Variants in IKBIP observed in about 807,000 individuals in gnomAD.
IKBIP encodes IKBKB interacting protein.
A neutral mutation model predicts 31.0 loss-of-function variants in IKBIP; 28 were observed. The ratio of observed to expected loss-of-function variants is 0.90; its 90% confidence interval spans 0.67 to 1.24. The LOEUF (loss-of-function observed/expected upper bound fraction) is 1.24, where lower values mean the gene tolerates loss of function less well. Among genes scored for constraint, IKBIP ranks in the 50% most tolerant of loss-of-function variants. IKBIP has a pLI of 0.00. For synonymous variants in IKBIP, 164 were observed against 160.3 expected, an observed-to-expected ratio of 1.02 and a Z score of -0.17; for missense variants, 453 against 441.9, an observed-to-expected ratio of 1.03 and a Z score of -0.23.
At position 98,644,539 on chromosome 12, in the gene IKBIP, A is replaced by C. The variant is rs1404330090; in HGVS notation, c.163T>G (p.Cys55Gly). ...TCCACTTACCAGGCCAGGCCCAGGC[A>C]CGTCCCCAGCGACAGCAGGCTCAGG... ...TCLSLLSLGTCLGLAWFVFQQ... is the reference protein window; with the variant it reads ...TCLSLLSLGTGLGLAWFVFQQ... Residue 55 changes from cysteine (C) to glycine (G), a missense_variant, in exon 1 of 3, where the codon TGC (cysteine) becomes GGC (glycine). Transcript: ENST00000299157. 8.1e-6 allele frequency: 13 copies of C among 1,603,470 alleles called. No homozygotes were observed. The highest frequency in any genetic ancestry group is 1.7e-5 in the Admixed American group (1 of 58,812).
intron 1 of IKBIP, among the ~76,000 whole-genome samples, chr12:98,638,083 A>G (rs957797227): frequency 6.6e-6 from 1 of 151,690 alleles, no homozygotes; most frequent in Admixed American, 6.6e-5. Flanking sequence ...GAAAAGAACT[A>G]TAAGTAATTC....
downstream of IKBIP, among the ~76,000 whole-genome samples, chr12:98,623,040 C>T (rs1470309862): frequency 1.3e-5 from 2 of 150,578 alleles, no homozygotes; most frequent in Admixed American, 6.6e-5. Context: ...AGTGCAATGG[C>T]GTGATTTTGG....
intron 1 of IKBIP, among the ~76,000 whole-genome samples, chr12:98,643,556 G>C (rs951387316): frequency 4.0e-5 from 6 of 151,780 alleles, no homozygotes; most frequent in African/African-American, 1.5e-4. Flanking sequence ...TTTTTTACGA[G>C]TTGGTTTTAA....
rs148216565 is a variant in IKBIP at position 98,626,007 on chromosome 12, C to G, written c.1057G>C (p.Ala353Pro). 1.9e-6 allele frequency: 3 copies of G among 1,545,000 alleles called. No homozygotes were observed. In the African/African-American group the frequency reaches 4.1e-5, roughly 21 times the overall value. The change falls in exon 3 of 3, where the codon GCA becomes CCA. Residue 353 changes from alanine (A) to proline (P), a missense_variant. By Grantham distance (27) the Ala-to-Pro change is conservative. Coordinates refer to ENST00000299157, the MANE Select transcript of IKBIP (RefSeq NM_153687.4). ...CCCTTTTCTCCTGTACTTGAGTATG[C>G]TATAAAATCATGAACTTTTTCTTTT... ...ILKEKVHDFIAYSSTGEKGTL... is the reference protein window; with the variant it reads ...ILKEKVHDFIPYSSTGEKGTL...
chr12:98,637,336 T>C (rs1033540935), intron 1 of IKBIP, among the ~76,000 whole-genome samples: 3 of 152,236 alleles, frequency 2.0e-5, no homozygotes, highest in Admixed American at 1.3e-4. Context: ...TTTTCCCTTA[T>C]TTGTGCCAGA....
At chr12:98,631,328 T>G (rs1037995308) in intron 2 of IKBIP, among the ~76,000 whole-genome samples, 2 of 151,834 alleles carry the variant, frequency 1.3e-5, no homozygotes, top group Admixed American at 1.3e-4. Context: ...TTGCCCAGGC[T>G]GGAGTGCAGT....
chr12:98,616,131 C>A (rs1415416927), intron 2 of IKBIP, among the ~76,000 whole-genome samples: 1 of 151,658 alleles, frequency 6.6e-6, no homozygotes, highest in East Asian at 1.9e-4. Context: ...GTTCCCTTTT[C>A]TCCACATTCT....
chr12:98,617,631 C>T (rs1019694887), intron 2 of IKBIP, among the ~76,000 whole-genome samples: 2 of 151,954 alleles, frequency 1.3e-5, no homozygotes, highest in Non-Finnish European at 2.9e-5. Flanking sequence ...TGGATAAAGT[C>T]GTACAATTAA....
chr12:98,633,510 CTTTTTTTTTTT>C lies in IKBIP; in HGVS notation c.297+775_297+785del, dbSNP rs71432181. Reference sequence around the variant, plus strand: ...GCTAGCCGTTCTTTTTTTTTTAATTCTTTTTTTTTTTTTTTTTTTTTTTTGAGACGGATCCT... The same window carrying C: ...GCTAGCCGTTCTTTTTTTTTTAATTCTTTTTTTTTTTTTGAGACGGATCCT... On this transcript the variant is annotated intron_variant, in intron 2 of 2. Transcript: ENST00000299157. Among the ~76,000 whole-genome samples the C allele has an allele frequency of 6.5e-5, 4 of 61,372 alleles. 1 individual carries two copies. Among genetic ancestry groups the C allele is most frequent in the Admixed American group, 2.6e-4 (1 of 3,866 alleles). The allele number at this position is 61,372 out of a possible 152,430, so 40.3% of individuals were successfully genotyped here.
chr12:98,624,798 A>AT lies in IKBIP; in HGVS notation c.*1131dup. ...TTCCCTCAAAACAGGCCACAGGCTT[A>AT]TTTTTATTTATTTATTTATTTATTG... On this transcript the variant is annotated 3_prime_UTR_variant, in exon 3 of 3. Transcript: ENST00000299157. 1.2e-6 allele frequency: 1 copy of AT among 842,692 alleles called. No homozygotes were observed. The highest frequency in any genetic ancestry group is 1.4e-6 in the Non-Finnish European group (1 of 700,140). The allele number at this position is 842,692 out of a possible 1,614,324, so 52.2% of individuals were successfully genotyped here. A position where few individuals can be genotyped will look rare whatever the true frequency, so the allele number is the denominator to read the frequency against.
chr12:98,626,328 G>A lies in IKBIP; in HGVS notation c.736C>T (p.His246Tyr). 1.2e-6 allele frequency: 2 copies of A among 1,614,146 alleles called. No homozygotes were observed. The highest frequency in any genetic ancestry group is 1.7e-6 in the Non-Finnish European group (2 of 1,180,004). ...TCTTCATCTCTGGCAAAGAGGGCAT[G>A]CTGTTCCTCTTCTAACTTTTCAATT... ...KAIEKLEEEQ[H>Y]ALFARDEDLT... The change falls in exon 3 of 3, where the codon CAT (histidine) becomes TAT (tyrosine). Residue 246 changes from histidine to tyrosine, a missense_variant. Transcript: ENST00000299157.
chr12:98,635,109 G>A (rs1187180926), intron 1 of IKBIP, among the ~76,000 whole-genome samples: 4 of 150,852 alleles, frequency 2.7e-5, no homozygotes, highest in Admixed American at 6.6e-5. Context: ...GGGTTCAAGC[G>A]ATTCTCCTCC....
intron 2 of IKBIP, 137 bp from the exon 3 acceptor site, chr12:98,626,903 A>T (rs2097615060): frequency 1.7e-6 from 1 of 605,516 alleles, no homozygotes; most frequent in Non-Finnish European, 2.8e-6. Flanking sequence ...GTATATCAGA[A>T]TCAGACTGAC....
intron 2 of IKBIP, among the ~76,000 whole-genome samples, chr12:98,632,513 ATATATATATATATAT>A (rs1213051838): frequency 5.6e-3 from 76 of 13,668 alleles, no homozygotes; most frequent in East Asian, 6.3e-3. Flanking sequence ...AAAAAAAAAA[ATATATATATATATAT>A]ATATATATAT....
intron 1 of IKBIP, among the ~76,000 whole-genome samples, chr12:98,641,823 A>AT (rs1211350602): frequency 6.6e-6 from 1 of 151,968 alleles, no homozygotes; most frequent in African/African-American, 2.4e-5. Flanking sequence ...CTTGGCTAAT[A>AT]TTTAAAAATT....
intron 1 of IKBIP, among the ~76,000 whole-genome samples, chr12:98,636,267 T>A (rs938114687): frequency 6.6e-6 from 1 of 152,214 alleles, no homozygotes; most frequent in Non-Finnish European, 1.5e-5. Flanking sequence ...AGATTCTGAT[T>A]TAATTGGCTT....
chr12:98,625,387 T>C lies in IKBIP; in HGVS notation c.*543A>G. ...GGCACCAGGCTCTCCCTCAGGCATG[T>C]TATCTTTTATTTTACACAAAATTCC... On this transcript the variant is annotated 3_prime_UTR_variant, in exon 3 of 3. Coordinates refer to ENST00000299157, the MANE Select transcript of IKBIP (RefSeq NM_153687.4). 4.1e-6 allele frequency: 3 copies of C among 725,820 alleles called. No individual in the cohort carries two copies. The highest frequency in any genetic ancestry group is 5.1e-6 in the Non-Finnish European group (3 of 593,260). 45.0% of individuals were successfully genotyped at this position (725,820 alleles called of 1,614,324 possible).
Position 98,626,298 on chromosome 12 carries a change from T to C in IKBIP, c.766A>G (p.Thr256Ala), listed in dbSNP as rs1202914673. ...GGTTCGTAGTCGGAAAGTTTATTAG[T>C]CAGATCTTCATCTCTGGCAAAGAGG... ...HALFARDEDL[T>A]NKLSDYEPKV... Residue 256 changes from threonine (T) to alanine (A), a missense_variant, in exon 3 of 3, where the codon ACT (threonine) becomes GCT (alanine). Transcript: ENST00000299157. 2 of 1,614,076 alleles carry C rather than the reference T, an allele frequency of 1.2e-6. No individual in the cohort carries two copies. Among genetic ancestry groups the C allele is most frequent in the East Asian group, 4.5e-5 (2 of 44,888 alleles).
At chr12:98,613,801 A>C (rs1219604646) in exon 3 of IKBIP, 1 of 1,610,308 alleles carries the variant, frequency 6.2e-7, no homozygotes, top group Non-Finnish European at 8.5e-7. Flanking sequence ...TTGGTTTTAG[A>C]TCATTTGCAA....
Sources: allele counts gnomAD v4.1 joint callset (sites outside exome capture counted in the v4.1 genomes callset), GRCh38; gene constraint gnomAD v4.1.1; transcripts MANE v1.5; gene names NCBI Gene and HGNC (gene_info 2026-07-23, HGNC 2026-07-21).